Variants in SLC4A5 observed in about 807,000 individuals in gnomAD.
The protein encoded by SLC4A5 is electrogenic sodium bicarbonate cotransporter 4.
A neutral mutation model predicts 120.4 loss-of-function variants in SLC4A5; 96 were observed. The ratio of observed to expected loss-of-function variants is 0.80; its 90% CI spans 0.68 to 0.94. The LOEUF is 0.94. SLC4A5 is among the 40% of genes least tolerant of loss of function. The pLI, the probability that SLC4A5 is intolerant of heterozygous loss-of-function variation, is 0.00. For missense variants in SLC4A5, 1,259 were observed against 1,459.5 expected (o/e 0.86, Z 2.24); for synonymous variants, 550 against 571.1 (o/e 0.96, Z 0.53).
At chr2:74,244,575 TTCCTCC>T (rs1326751056) in intron 19 of SLC4A5, among the ~76,000 whole-genome samples, 1 of 149,684 alleles carries the variant, frequency 6.7e-6, no homozygotes, top group Non-Finnish European at 1.5e-5. Flanking sequence ...CTTCTTCTTC[TTCCTCC>T]TCCTCCTCCT....
chr2:74,341,071 G>A (rs544576717), intron 2 of SLC4A5, among the ~76,000 whole-genome samples: 9 of 152,232 alleles, frequency 5.9e-5, no homozygotes, highest in African/African-American at 1.2e-4. Context: ...TTGGGAGGCC[G>A]AGGTGGGTGG....
intron 8 of SLC4A5, among the ~76,000 whole-genome samples, chr2:74,280,418 C>A (rs540222132): frequency 6.6e-6 from 1 of 152,190 alleles, no homozygotes; most frequent in Non-Finnish European, 1.5e-5. Flanking sequence ...ACTGAGAGCC[C>A]AAGAGAGCAG....
At chr2:74,323,374 A>T (rs915230400) in intron 5 of SLC4A5, among the ~76,000 whole-genome samples, 9 of 152,216 alleles carry the variant, frequency 5.9e-5, no homozygotes, top group Non-Finnish European at 1.0e-4. Flanking sequence ...CATGTAAAAA[A>T]TCATTTTACT....
intron 7 of SLC4A5, among the ~76,000 whole-genome samples, chr2:74,286,506 TTC>T (rs1047805715): frequency 6.6e-6 from 1 of 152,188 alleles, no homozygotes; most frequent in African/African-American, 2.4e-5. Flanking sequence ...CCTGTGTTCT[TTC>T]TCTCTTTTTC....
intron 12 of SLC4A5, 114 bp downstream of exon 12, chr2:74,259,474 C>T: frequency 2.5e-6 from 3 of 1,199,356 alleles, no homozygotes; most frequent in African/African-American, 1.5e-5. Flanking sequence ...CTTCCTGGAA[C>T]TCCCACTCCT....
At chr2:74,235,863 C>T (rs2103928346) in intron 21 of SLC4A5, among the ~76,000 whole-genome samples, 1 of 152,282 alleles carries the variant, frequency 6.6e-6, no homozygotes, top group African/African-American at 2.4e-5. Flanking sequence ...TGTCCTCCGA[C>T]CTCCCCTCCA....
intron 8 of SLC4A5, among the ~76,000 whole-genome samples, chr2:74,282,623 G>C (rs1209021038): frequency 6.6e-6 from 1 of 152,240 alleles, no homozygotes; most frequent in Non-Finnish European, 1.5e-5. Context: ...ACTGGGTCTG[G>C]AGTGCAGAGG....
intron 4 of SLC4A5, among the ~76,000 whole-genome samples, chr2:74,329,209 T>C (rs1394117652): frequency 6.6e-6 from 1 of 152,162 alleles, no homozygotes; most frequent in East Asian, 1.9e-4. Flanking sequence ...AGTTATGAAG[T>C]ACAGATGCAG....
chr2:74,312,243 ATGTGTGTGTG>A (rs111417670), intron 6 of SLC4A5, among the ~76,000 whole-genome samples: 1,456 of 139,436 alleles, frequency 0.01, 29 homozygotes, highest in African/African-American at 0.034. Flanking sequence ...GTGTGTGTAT[ATGTGTGTGTG>A]TGTGTGTGTG....
exon 24 of SLC4A5, chr2:74,232,615 C>G (rs771872583): frequency 1.9e-6 from 3 of 1,613,600 alleles, no homozygotes; most frequent in Admixed American, 1.7e-5. Context: ...GGATGCCCAC[C>G]CAGAACAGGT....
chr2:74,265,010 C>T (rs1044026075), intron 9 of SLC4A5, 94 bp downstream of exon 9: 25 of 1,390,550 alleles, frequency 1.8e-5, no homozygotes, highest in African/African-American at 2.9e-5. Context: ...AGAGACGGGC[C>T]GTCACACAGA....
intron 21 of SLC4A5, among the ~76,000 whole-genome samples, chr2:74,236,764 C>T (rs754059183): frequency 5.9e-5 from 9 of 152,042 alleles, no homozygotes; most frequent in Admixed American, 2.6e-4. Flanking sequence ...TAGGTTGAAA[C>T]AGTCAAATAT....
At chr2:74,238,632 A>C (rs573565822) in intron 21 of SLC4A5, among the ~76,000 whole-genome samples, 1 of 152,350 alleles carries the variant, frequency 6.6e-6, no homozygotes, top group African/African-American at 2.4e-5. Context: ...GTCTTTAAAA[A>C]ATACTGGAAC....
chr2:74,250,533 C>T lies in SLC4A5; in HGVS notation c.1479-16G>A, dbSNP rs576319741. 3.3e-5 allele frequency: 54 copies of T among 1,613,638 alleles called. 1 individual carries two copies. In the East Asian group the frequency reaches 7.4e-4, roughly 22 times the overall value. ...ACCGAAGAACCTGCTCAAGACAGGC[C>T]CAGGGGCTGCTTTCTCACCACTAAC... On this transcript the variant is annotated splice_polypyrimidine_tract_variant and intron_variant, in intron 16 of 30. Coordinates refer to ENST00000394019, the Ensembl canonical transcript of SLC4A5.
intron 16 of SLC4A5, 99 bp downstream of exon 16, chr2:74,252,080 G>A: frequency 7.8e-7 from 1 of 1,278,806 alleles, no homozygotes; most frequent in Non-Finnish European, 1.1e-6. Flanking sequence ...GACCTCGAGT[G>A]GGCACTACAG....
intron 12 of SLC4A5, among the ~76,000 whole-genome samples, chr2:74,257,944 T>A (rs377160527): frequency 6.6e-6 from 1 of 152,100 alleles, no homozygotes; most frequent in East Asian, 1.9e-4. Flanking sequence ...TCCTTACACG[T>A]TGTGACATGT....
intron 8 of SLC4A5, among the ~76,000 whole-genome samples, chr2:74,277,103 C>A (rs746381521): frequency 2.0e-5 from 3 of 152,242 alleles, no homozygotes; most frequent in Non-Finnish European, 4.4e-5. Flanking sequence ...CCTGAGTGGG[C>A]TTCTGTTACT....
exon 31 of SLC4A5, chr2:74,216,856 C>G (rs60438577): frequency 6.6e-6 from 1 of 152,144 alleles, no homozygotes; most frequent in Admixed American, 6.6e-5. Flanking sequence ...TGATTCCCCC[C>G]ACCTCTGCCT....
intron 8 of SLC4A5, among the ~76,000 whole-genome samples, chr2:74,275,354 T>C (rs1671605633): frequency 6.6e-6 from 1 of 152,216 alleles, no homozygotes. Flanking sequence ...ACTGAAAAAT[T>C]CTGAATGGGC....
Sources: allele counts gnomAD v4.1 joint callset (sites outside exome capture counted in the v4.1 genomes callset), GRCh38; gene constraint gnomAD v4.1.1; transcripts MANE v1.5; gene names NCBI Gene and HGNC (gene_info 2026-07-23, HGNC 2026-07-21).